INO80D: variants seen among roughly 807,000 people sequenced by gnomAD.
INO80D encodes the protein INO80 complex subunit D.
INO80D carries 21 observed loss-of-function variants against 87.6 expected under a neutral mutation model. That is an observed-to-expected ratio of 0.24 (90% CI 0.17 to 0.35). INO80D has a LOEUF of 0.35. Ranked by LOEUF, INO80D falls within the 10% of genes least tolerant of loss-of-function variation. The probability of loss-of-function intolerance (pLI) is 1.00; values close to 1 mark genes in which losing one functional copy is unlikely to be tolerated. For missense variants in INO80D, 982 were observed against 1,280.7 expected (o/e 0.77, Z 3.56); for synonymous variants, 440 against 491.0 (o/e 0.90, Z 1.37).
In INO80D at chr2:206,028,299, C is replaced by T; in HGVS notation, c.1110G>A (p.Arg370=). The change falls in exon 6 of 11, where the codon AGG becomes AGA. Residue 370 remains arginine (R), a synonymous_variant. Transcript: ENST00000403263. The part of the protein sequence containing the change: ...DDDDAESRSS[R]VTQLCTYFQQ... ...GAAAGTAAGTGCAAAGTTGAGTCAC[C>T]CTGGAGCTCCTACTCTCCGCATCAT... The T allele has an allele frequency of 6.2e-7, 1 of 1,608,296 alleles. No homozygotes were observed. Among genetic ancestry groups the T allele is most frequent in the South Asian group, 1.1e-5 (1 of 90,792 alleles).
At chr2:206,082,473 A>C (rs941145637) in intron 1 of INO80D, among the ~76,000 whole-genome samples, 1 of 152,230 alleles carries the variant, frequency 6.6e-6, no homozygotes, top group Non-Finnish European at 1.5e-5. Flanking sequence ...ATTGTCAAAA[A>C]TCAGCCTTTA....
intron 1 of INO80D, among the ~76,000 whole-genome samples, chr2:206,075,951 C>G (rs1690104835): frequency 6.6e-6 from 1 of 151,076 alleles, no homozygotes; most frequent in Non-Finnish European, 1.5e-5. Context: ...ACTCTGGAGG[C>G]TGAGACAGGA....
intron 6 of INO80D, 38 bp from the exon 7 acceptor site, chr2:206,019,883 T>A (rs1043579837): frequency 1.3e-6 from 2 of 1,507,038 alleles, no homozygotes. Flanking sequence ...TTTTTTTTAA[T>A]GCTTTAAGAA....
intron 1 of INO80D, among the ~76,000 whole-genome samples, chr2:206,075,690 G>A (rs559684035): frequency 2.0e-5 from 3 of 151,214 alleles, no homozygotes; most frequent in African/African-American, 4.8e-5. Flanking sequence ...CGCCCACCTC[G>A]GCCTCCCAAA....
chr2:206,071,890 T>C (rs1326023144), intron 1 of INO80D, among the ~76,000 whole-genome samples: 4 of 152,064 alleles, frequency 2.6e-5, no homozygotes, highest in South Asian at 2.1e-4. Context: ...GGAGCCCACA[T>C]GGCATAGATT....
chr2:206,084,436 T>C (rs998691474), intron 1 of INO80D, among the ~76,000 whole-genome samples: 5 of 152,110 alleles, frequency 3.3e-5, no homozygotes, highest in Admixed American at 2.6e-4. Context: ...TCAGAATAAA[T>C]GAACTACTGA....
intron 1 of INO80D, among the ~76,000 whole-genome samples, chr2:206,071,254 G>A (rs1346968766): frequency 2.9e-5 from 3 of 101,890 alleles, no homozygotes; most frequent in East Asian, 5.8e-4. Context: ...CACCACGCCC[G>A]GCCTTTTTTT....
At chr2:206,083,989 G>A (rs1351549986) in intron 1 of INO80D, among the ~76,000 whole-genome samples, 1 of 151,326 alleles carries the variant, frequency 6.6e-6, no homozygotes, top group South Asian at 2.1e-4. Context: ...CAACACTCAA[G>A]AACAACAAGG....
intron 5 of INO80D, among the ~76,000 whole-genome samples, chr2:206,045,886 A>T (rs1399276638): frequency 6.6e-6 from 1 of 152,230 alleles, no homozygotes; most frequent in African/African-American, 2.4e-5. Context: ...GACCACGTGC[A>T]AGTTCCTCAA....
Position 206,075,039 on chromosome 2 carries a change from C to CAAAAAAAAAAAAAAAAAAAAAAA in INO80D, c.-124+10861_-124+10862insTTTTTTTTTTTTTTTTTTTTTTT, listed in dbSNP as rs56081344. Among the ~76,000 whole-genome samples, 215 of 117,650 alleles carry CAAAAAAAAAAAAAAAAAAAAAAA rather than the reference C, an allele frequency of 1.8e-3. 1 individual carries two copies. The highest frequency in any genetic ancestry group is 3.1e-3 in the Non-Finnish European group (180 of 58,152). 77.2% of individuals were successfully genotyped at this position (117,650 alleles called of 152,430 possible). On this transcript the variant is annotated intron_variant, in intron 1 of 10. Coordinates refer to ENST00000403263, the MANE Select transcript of INO80D (RefSeq NM_017759.5). The stretch of plus-strand genomic sequence containing the variant: ...GGATGACAAGAGCGAAACTCCATCT[C>CAAAAAAAAAAAAAAAAAAAAAAA]AAAAAAAAAAAAAAAATTCCTCTTT...
In INO80D at chr2:205,995,638, C is replaced by T. The variant is rs1214693397; in HGVS notation, c.*8730G>A. The T allele has an allele frequency of 6.6e-6, 1 of 152,074 alleles. No homozygotes were observed. Among genetic ancestry groups the T allele is most frequent in the Non-Finnish European group, 1.5e-5 (1 of 67,994 alleles). The allele number at this position is 152,074 out of a possible 1,614,324, so 9.4% of individuals were successfully genotyped here. A position where few individuals can be genotyped will look rare whatever the true frequency, so the allele number is the denominator to read the frequency against. On this transcript the variant is annotated 3_prime_UTR_variant, in exon 11 of 11. Coordinates refer to ENST00000403263, the MANE Select transcript of INO80D (RefSeq NM_017759.5). ...TCCCACAATATATACTAGAGACATA[C>T]TGTGTGAGTACATACGAAAGCATAT...
intron 8 of INO80D, among the ~76,000 whole-genome samples, chr2:206,010,561 T>C (rs528428130): frequency 1.3e-5 from 2 of 152,322 alleles, no homozygotes; most frequent in South Asian, 4.1e-4. Context: ...GATGTCACCT[T>C]TAATTAATTC....
chr2:206,023,138 T>G (rs1245892904), intron 6 of INO80D, among the ~76,000 whole-genome samples: 2 of 152,050 alleles, frequency 1.3e-5, no homozygotes, highest in South Asian at 2.1e-4. Flanking sequence ...GAGGCGGAGC[T>G]TGCAGGGAGC....
chr2:206,004,785 G>T lies in INO80D; in HGVS notation c.2667C>A (p.His889Gln), dbSNP rs962648240. 3 of 1,613,908 alleles carry T rather than the reference G, an allele frequency of 1.9e-6. No individual in the cohort carries two copies. In the African/African-American group the frequency reaches 4.0e-5, roughly 22 times the overall value. ...PLGGVVNPRT[H>Q]WGNLPVNLGD... is the part of the protein sequence containing the mutation. ...CAAGGTTGACAGGGAGATTGCCCCAGTGAGTTCTGGGGTTTACCACGCCTC... is the reference window on the plus strand; with the variant it reads ...CAAGGTTGACAGGGAGATTGCCCCATTGAGTTCTGGGGTTTACCACGCCTC... The change falls in exon 11 of 11, where the codon CAC becomes CAA. Residue 889 changes from histidine to glutamine, a missense_variant. By Grantham distance (24) the His-to-Gln change is conservative. Transcript: ENST00000403263. The surrounding 1 kb of genome is among the most constrained non-coding windows in gnomAD (Gnocchi z 4.9).
intron 1 of INO80D, among the ~76,000 whole-genome samples, chr2:206,076,223 C>T (rs556716906): frequency 6.6e-6 from 1 of 152,124 alleles, no homozygotes; most frequent in Non-Finnish European, 1.5e-5. Context: ...CTAACATGAG[C>T]CTACTAAATT....
At position 206,003,971 on chromosome 2, in the gene INO80D, T is replaced by C; in HGVS notation, c.*397A>G. On this transcript the variant is annotated 3_prime_UTR_variant, in exon 11 of 11. Coordinates refer to ENST00000403263, the MANE Select transcript of INO80D (RefSeq NM_017759.5). ...TACAGGAACTCAATTAATAAGATCA[T>C]TCTATCTAGAACCACCTATGTAAAA... The C allele has an allele frequency of 4.9e-6, 1 of 205,306 alleles. No homozygotes were observed. The allele number at this position is 205,306 out of a possible 1,614,324, so 12.7% of individuals were successfully genotyped here. A position where few individuals can be genotyped will look rare whatever the true frequency, so the allele number is the denominator to read the frequency against.
chr2:206,047,005 G>A (rs1039409673), intron 4 of INO80D, among the ~76,000 whole-genome samples: 8 of 151,896 alleles, frequency 5.3e-5, no homozygotes, highest in African/African-American at 1.5e-4. Flanking sequence ...GCTCTTGAAC[G>A]CCTGACCTCG....
chr2:206,028,451 T>C (rs1436931370), intron 5 of INO80D, 116 bp from the exon 6 acceptor site: 14 of 697,536 alleles, frequency 2.0e-5, no homozygotes, highest in East Asian at 5.3e-5. Context: ...TTTTGTGGCA[T>C]GTGAGCACAT....
intron 7 of INO80D, among the ~76,000 whole-genome samples, chr2:206,018,040 C>G (rs1017588701): frequency 2.6e-5 from 4 of 152,196 alleles, no homozygotes; most frequent in Non-Finnish European, 5.9e-5. Flanking sequence ...TGGCACCAGT[C>G]TCCTTAATGA....
Sources: allele counts gnomAD v4.1 joint callset (sites outside exome capture counted in the v4.1 genomes callset), GRCh38; gene constraint gnomAD v4.1.1; non-coding constraint Gnocchi (gnomAD v3.1); transcripts MANE v1.5; gene names NCBI Gene and HGNC (gene_info 2026-07-23, HGNC 2026-07-21).